GRM7: variants seen among roughly 807,000 people sequenced by gnomAD.
The protein encoded by GRM7 is metabotropic glutamate receptor 7.
A neutral mutation model predicts 84.5 loss-of-function variants in GRM7; 35 were observed. That is an observed-to-expected ratio of 0.41 (90% confidence interval 0.32 to 0.55). The LOEUF is 0.55. Among genes scored for constraint, GRM7 ranks in the 20% least tolerant of loss-of-function variants. GRM7 has a pLI of 0.19. For missense variants in GRM7, 1,003 were observed against 1,194.6 expected (o/e 0.84, Z 2.36); for synonymous variants, 487 against 455.1 (o/e 1.07, Z -0.89).
intron 2 of GRM7, among the ~76,000 whole-genome samples, chr3:7,162,727 T>C (rs575857584): frequency 7.3e-4 from 93 of 126,686 alleles, no homozygotes; most frequent in African/African-American, 2.9e-3. Flanking sequence ...CTCCCATTTT[T>C]CATTTTTTTT....
intron 9 of GRM7, among the ~76,000 whole-genome samples, chr3:7,725,094 A>T (rs2106522217): frequency 6.6e-6 from 1 of 152,334 alleles, no homozygotes; most frequent in East Asian, 1.9e-4. Context: ...AGGGCAGACA[A>T]GAAAATACAT....
intron 3 of GRM7, among the ~76,000 whole-genome samples, chr3:7,301,668 CTTGT>C (rs139873879): frequency 0.47 from 71,616 of 151,442 alleles, 18,537 homozygotes; most frequent in Non-Finnish European, 0.6. Flanking sequence ...TTGCATTGGA[CTTGT>C]TTGTGTGTTA....
intron 8 of GRM7, among the ~76,000 whole-genome samples, chr3:7,616,129 A>G (rs894168220): frequency 4.6e-5 from 7 of 152,112 alleles, no homozygotes; most frequent in African/African-American, 1.7e-4. Context: ...AAATTATTTT[A>G]TTTGAAGGTC....
At chr3:7,318,557 G>C (rs1486403928) in intron 4 of GRM7, among the ~76,000 whole-genome samples, 1 of 152,016 alleles carries the variant, frequency 6.6e-6, no homozygotes, top group African/African-American at 2.4e-5. Flanking sequence ...AAATTTGGAA[G>C]GTTGAAGGGG....
intron 4 of GRM7, among the ~76,000 whole-genome samples, chr3:7,399,298 T>C (rs1164174449): frequency 6.6e-6 from 1 of 152,140 alleles, no homozygotes; most frequent in Non-Finnish European, 1.5e-5. Flanking sequence ...GTTTTTTCTT[T>C]ATCAAGGTCC....
chr3:6,907,542 C>T (rs1246654989), intron 1 of GRM7, among the ~76,000 whole-genome samples: 4 of 152,104 alleles, frequency 2.6e-5, no homozygotes, highest in South Asian at 4.1e-4. Context: ...TCACATTTTT[C>T]GTATCAGGAA....
At chr3:6,933,736 TAA>T (rs371242200) in intron 1 of GRM7, among the ~76,000 whole-genome samples, 1 of 140,400 alleles carries the variant, frequency 7.1e-6, no homozygotes, top group African/African-American at 2.6e-5. Context: ...AAAAGAAAAT[TAA>T]AAAAAAAAAC....
intron 8 of GRM7, among the ~76,000 whole-genome samples, chr3:7,642,908 A>G (rs922992950): frequency 2.0e-5 from 3 of 152,084 alleles, no homozygotes; most frequent in African/African-American, 7.2e-5. Flanking sequence ...GTCCCTAACA[A>G]TTGTTATCTA....
intron 7 of GRM7, among the ~76,000 whole-genome samples, chr3:7,507,230 C>T (rs1038278750): frequency 6.6e-6 from 1 of 152,076 alleles, no homozygotes; most frequent in East Asian, 1.9e-4. Flanking sequence ...GAGAAAGAGG[C>T]AGGGAAAAAT....
chr3:6,911,244 T>A lies in GRM7; in HGVS notation c.519+49337T>A, dbSNP rs189795499. 1.6e-3 allele frequency among the ~76,000 whole-genome samples: 246 copies of A among 152,268 alleles called. 2 individuals carry two copies. The highest frequency in any genetic ancestry group is 5.6e-3 in the African/African-American group (234 of 41,558). On this transcript the variant is annotated intron_variant, in intron 1 of 9. Coordinates refer to ENST00000357716, the MANE Select transcript of GRM7 (RefSeq NM_000844.4). ...TGGCCTACTTAATACTATTATTAAA[T>A]TCTCCCTCAGCCTTTATTTGGCCAA...
At chr3:7,693,366 C>T (rs1039549925) in intron 9 of GRM7, among the ~76,000 whole-genome samples, 5 of 151,828 alleles carry the variant, frequency 3.3e-5, no homozygotes, top group South Asian at 4.2e-4. Context: ...AGCTAATTCC[C>T]CCCACCCCCT....
In GRM7 at chr3:7,516,809, C is replaced by T. The variant is rs371522089; in HGVS notation, c.1515+55087C>T. On this transcript the variant is annotated intron_variant, in intron 7 of 9. Coordinates refer to ENST00000357716, the MANE Select transcript of GRM7 (RefSeq NM_000844.4). Reference sequence around the variant, plus strand: ...GACTCTGCTTCTGCTGATGACCAAGCATTTTAGCATTTTTTCATTTAAGTT... The same window carrying T: ...GACTCTGCTTCTGCTGATGACCAAGTATTTTAGCATTTTTTCATTTAAGTT... Among the ~76,000 whole-genome samples the T allele has an allele frequency of 1.3e-4, 20 of 152,288 alleles. 2 individuals carry two copies. Among genetic ancestry groups the T allele is most frequent in the Admixed American group, 5.2e-4 (8 of 15,282 alleles).
At chr3:7,171,346 T>G (rs1694976976) in intron 2 of GRM7, among the ~76,000 whole-genome samples, 1 of 152,226 alleles carries the variant, frequency 6.6e-6, no homozygotes, top group Non-Finnish European at 1.5e-5. Context: ...CCTAATAATC[T>G]TATGTTAACT....
chr3:7,545,456 G>C (rs1693102664), intron 7 of GRM7, among the ~76,000 whole-genome samples: 1 of 152,168 alleles, frequency 6.6e-6, no homozygotes, highest in Non-Finnish European at 1.5e-5. Context: ...CACCATTTCT[G>C]TCTCATTACA....
intron 5 of GRM7, among the ~76,000 whole-genome samples, chr3:7,443,341 T>C (rs981011066): frequency 5.9e-5 from 9 of 152,146 alleles, no homozygotes; most frequent in Non-Finnish European, 1.0e-4. Context: ...TCTCAAAAAA[T>C]GTACAATACA....
At chr3:7,186,743 C>T (rs1389642666) in intron 2 of GRM7, among the ~76,000 whole-genome samples, 1 of 152,110 alleles carries the variant, frequency 6.6e-6, no homozygotes, top group African/African-American at 2.4e-5. Flanking sequence ...TAATTATAGT[C>T]TCCCTTGTAA....
intron 9 of GRM7, among the ~76,000 whole-genome samples, chr3:7,733,848 C>T (rs1051495476): frequency 1.3e-5 from 2 of 152,160 alleles, no homozygotes; most frequent in African/African-American, 4.8e-5. Flanking sequence ...CTTTATATTG[C>T]CCTGCCCTCT....
chr3:7,315,179 C>G (rs866039914), intron 4 of GRM7, among the ~76,000 whole-genome samples: 14 of 152,356 alleles, frequency 9.2e-5, no homozygotes, highest in Middle Eastern at 6.8e-3. Flanking sequence ...GACATTCTGT[C>G]AACCCTTAGT....
At chr3:7,203,632 T>C (rs1322832158) in intron 2 of GRM7, among the ~76,000 whole-genome samples, 1 of 152,182 alleles carries the variant, frequency 6.6e-6, no homozygotes, top group African/African-American at 2.4e-5. Context: ...TGCTGGATCG[T>C]ATGTTAGTTC....
Sources: gnomAD v4.1 joint callset for allele counts (sites outside exome capture counted in the v4.1 genomes callset) on GRCh38, gnomAD v4.1.1 for gene constraint, MANE v1.5 for transcripts, NCBI Gene and HGNC (gene_info 2026-07-23, HGNC 2026-07-21) for gene names.